Variants in WDR35 observed in about 807,000 individuals in gnomAD.
WDR35 encodes the protein WD repeat domain 35.
WDR35 carries 118 observed loss-of-function variants against 158.3 expected under a neutral mutation model. That is an observed-to-expected ratio of 0.75 (90% CI 0.64 to 0.87). WDR35 has a LOEUF of 0.87. Ranked by LOEUF, WDR35 falls within the 40% of genes least tolerant of loss-of-function variation. The pLI is 0.00. For synonymous variants in WDR35, 448 were observed against 476.1 expected (o/e 0.94, Z 0.77); for missense variants, 1,263 against 1,405.8 (o/e 0.90, Z 1.62).
chr2:19,945,791 G>A lies in WDR35; in HGVS notation c.1840C>T (p.Pro614Ser). The change falls in exon 16 of 27, where the codon CCT (proline) becomes TCT (serine). Residue 614 changes from proline (P) to serine (S), a missense_variant. By Grantham distance (74) the Pro-to-Ser change is moderately conservative. Coordinates refer to ENST00000281405, the MANE Select transcript of WDR35 (RefSeq NM_020779.4). ...TRMYVFRNLD[P>S]EEPIQTSGYI... ...CACTCATTTCTTGTTTTTACCTCAG[G>A]ATCCAAGTTTCTGAAAACATACATT... The A allele has an allele frequency of 6.2e-7, 1 of 1,613,680 alleles. No individual in the cohort carries two copies. Among genetic ancestry groups the A allele is most frequent in the Non-Finnish European group, 8.5e-7 (1 of 1,179,746 alleles).
chr2:19,980,303 A>T (rs1257411076), intron 4 of WDR35, among the ~76,000 whole-genome samples: 1 of 152,170 alleles, frequency 6.6e-6, no homozygotes, highest in Non-Finnish European at 1.5e-5. Context: ...CAGAGCTTAC[A>T]GTCTACTGAG....
intron 16 of WDR35, 22 bp from the exon 17 acceptor site, chr2:19,941,861 T>A (rs1670888984): frequency 6.8e-7 from 1 of 1,477,104 alleles, no homozygotes; most frequent in Non-Finnish European, 9.3e-7. Context: ...AAAAAAAAGT[T>A]ATGTTTCATT....
chr2:19,950,337 T>C (rs1671196823), intron 13 of WDR35, among the ~76,000 whole-genome samples: 3 of 152,178 alleles, frequency 2.0e-5, no homozygotes, highest in Admixed American at 6.5e-5. Flanking sequence ...CTATCAGACT[T>C]GGCAATTCAA....
chr2:19,978,617 G>A (rs1282797466), intron 5 of WDR35, 134 bp downstream of exon 5: 1 of 1,330,654 alleles, frequency 7.5e-7, no homozygotes, highest in Admixed American at 2.0e-5. Context: ...TCGTCAAATT[G>A]TATATCAAAT....
chr2:19,916,805 A>T (rs938289889), intron 25 of WDR35, among the ~76,000 whole-genome samples: 2 of 152,232 alleles, frequency 1.3e-5, no homozygotes, highest in South Asian at 4.1e-4. Flanking sequence ...CGCAGCTCCA[A>T]CAGACTTAAA....
intron 21 of WDR35, 37 bp from the exon 22 acceptor site, chr2:19,933,548 C>A (rs767394190): frequency 1.3e-6 from 2 of 1,543,702 alleles, no homozygotes; most frequent in East Asian, 4.5e-5. Context: ...ATTTCACAGA[C>A]CAAGGAAATT....
intron 10 of WDR35, among the ~76,000 whole-genome samples, chr2:19,962,733 A>G (rs1159650819): frequency 6.6e-6 from 1 of 152,176 alleles, no homozygotes; most frequent in African/African-American, 2.4e-5. Context: ...CATTTAAAAA[A>G]AAATAAAAAG....
chr2:19,967,408 C>T (rs898183137), intron 9 of WDR35, among the ~76,000 whole-genome samples: 2 of 151,918 alleles, frequency 1.3e-5, no homozygotes, highest in African/African-American at 4.8e-5. Context: ...AATGTAGAAC[C>T]CCCTGCCAAA....
intron 8 of WDR35, 143 bp from the exon 9 acceptor site, chr2:19,969,748 A>T: frequency 2.6e-5 from 16 of 619,310 alleles, no homozygotes; most frequent in East Asian, 8.5e-5. Flanking sequence ...TGTTTCTTGA[A>T]TTTTTTTTTT....
intron 5 of WDR35, among the ~76,000 whole-genome samples, chr2:19,976,046 G>A (rs1293567604): frequency 6.6e-6 from 1 of 152,144 alleles, no homozygotes; most frequent in Admixed American, 6.5e-5. Context: ...AAAAGAAGAG[G>A]TATTTCCCCA....
intron 15 of WDR35, 28 bp from the exon 16 acceptor site, chr2:19,946,024 A>C: frequency 6.3e-7 from 1 of 1,599,614 alleles, no homozygotes; most frequent in Non-Finnish European, 8.6e-7. Context: ...AGAGAAAAGG[A>C]AAAAACTATA....
chr2:19,987,402 C>T (rs1207471234), intron 2 of WDR35, among the ~76,000 whole-genome samples: 1 of 152,160 alleles, frequency 6.6e-6, no homozygotes, highest in Non-Finnish European at 1.5e-5. Flanking sequence ...GAATTGATTT[C>T]CCATCTTGTT....
At position 19,974,538 on chromosome 2, in the gene WDR35, A is replaced by T. The variant is rs987346249; in HGVS notation, c.666T>A (p.Pro222=). ...AGCAAACAGCAAGGCAAGGGCAATCAGGCTCCACGTAGCCTTCTGTGCCAT... is the reference window on the plus strand; with the variant it reads ...AGCAAACAGCAAGGCAAGGGCAATCTGGCTCCACGTAGCCTTCTGTGCCAT... ...WYHGTEGYVE[P]DCPCLAVCFD... The change falls in exon 7 of 27, where the codon CCT becomes CCA. Residue 222 remains proline (P), a synonymous_variant. Transcript: ENST00000281405. 1 of 1,612,704 alleles carries T rather than the reference A, an allele frequency of 6.2e-7. No homozygotes were observed. The highest frequency in any genetic ancestry group is 1.3e-5 in the African/African-American group (1 of 74,926).
intron 11 of WDR35, among the ~76,000 whole-genome samples, chr2:19,955,024 C>G (rs2103428081): frequency 6.6e-6 from 1 of 152,302 alleles, no homozygotes; most frequent in Non-Finnish European, 1.5e-5. Context: ...GTGATCTCAG[C>G]TCATTGCAAC....
intron 7 of WDR35, 26 bp downstream of exon 7, chr2:19,974,442 A>T (rs746799568): frequency 6.4e-7 from 1 of 1,551,056 alleles, no homozygotes; most frequent in Non-Finnish European, 8.7e-7. Flanking sequence ...AATTAAAAAA[A>T]TTTTTTAAAC....
At chr2:19,943,428 C>T (rs972008713) in intron 16 of WDR35, among the ~76,000 whole-genome samples, 7 of 152,134 alleles carry the variant, frequency 4.6e-5, no homozygotes, top group African/African-American at 1.4e-4. Flanking sequence ...TTAGCATGAA[C>T]CATAGCAATT....
At position 19,937,885 on chromosome 2, in the gene WDR35, C is replaced by T; in HGVS notation, c.2125G>A (p.Val709Met). ...ATGCCTTGGTAATCTTTGCAGCGCA[C>T]AAATGCTTGCTCTGCAGTGTATAGA... ...LDLYTAEQAF[V>M]RCKDYQGIKF... Residue 709 changes from valine (V) to methionine (M), a missense_variant, in exon 19 of 27, where the codon GTG (valine) becomes ATG (methionine). Val to Met is a conservative substitution (Grantham distance 21). Transcript: ENST00000281405. 1.2e-6 allele frequency: 2 copies of T among 1,614,166 alleles called. No individual in the cohort carries two copies. Among genetic ancestry groups the T allele is most frequent in the Admixed American group, 3.3e-5 (2 of 60,002 alleles).
chr2:19,935,435 C>G (rs755425009), intron 21 of WDR35, 36 bp downstream of exon 21: 2 of 1,608,238 alleles, frequency 1.2e-6, no homozygotes, highest in Non-Finnish European at 8.5e-7. Context: ...ATAAAGTAAC[C>G]TAACAATTCC....
chr2:19,976,653 C>T (rs532306392), intron 5 of WDR35, among the ~76,000 whole-genome samples: 1 of 150,682 alleles, frequency 6.6e-6, no homozygotes, highest in South Asian at 2.1e-4. Context: ...CCTTCATGGA[C>T]GTCACTGATG....
Sources: gnomAD v4.1 joint callset for allele counts (sites outside exome capture counted in the v4.1 genomes callset) on GRCh38, gnomAD v4.1.1 for gene constraint, MANE v1.5 for transcripts, NCBI Gene and HGNC (gene_info 2026-07-23, HGNC 2026-07-21) for gene names.